Variants in PHLDB2 observed in about 807,000 individuals in gnomAD.
The protein encoded by PHLDB2 is pleckstrin homology-like domain family B member 2.
Under a neutral mutation model 123.6 loss-of-function variants are expected in PHLDB2, and 71 were observed. That is an observed-to-expected ratio of 0.57 (90% CI 0.47 to 0.70). PHLDB2 has a LOEUF of 0.70. Among genes scored for constraint, PHLDB2 ranks in the 30% least tolerant of loss-of-function variants. The pLI, the probability that PHLDB2 is intolerant of heterozygous loss-of-function variation, is 0.00. For synonymous variants in PHLDB2, 547 were observed against 541.6 expected, an observed-to-expected ratio of 1.01 and a Z score of -0.14; for missense variants, 1,446 against 1,519.5, an observed-to-expected ratio of 0.95 and a Z score of 0.80.
At chr3:111,936,295 C>T (rs2069488463) in intron 6 of PHLDB2, among the ~76,000 whole-genome samples, 1 of 152,180 alleles carries the variant, frequency 6.6e-6, no homozygotes, top group African/African-American at 2.4e-5. Context: ...ATGTAATGCT[C>T]TTTTAGTGAG....
chr3:111,835,169 G>A (rs2063342069), intron 1 of PHLDB2, among the ~76,000 whole-genome samples: 1 of 152,078 alleles, frequency 6.6e-6, no homozygotes, highest in Non-Finnish European at 1.5e-5. Context: ...CAGTTTCAGA[G>A]TTTAATGATA....
chr3:111,881,497 T>C (rs1369389663), intron 1 of PHLDB2, among the ~76,000 whole-genome samples: 1 of 152,190 alleles, frequency 6.6e-6, no homozygotes, highest in East Asian at 1.9e-4. Context: ...CACATGGCAT[T>C]TTCAGTGAAT....
chr3:111,883,913 G>T (rs2066053929), intron 1 of PHLDB2, 151 bp from the exon 2 acceptor site: 1 of 677,452 alleles, frequency 1.5e-6, no homozygotes, highest in Non-Finnish European at 2.5e-6. Context: ...TTGCTGTATG[G>T]TTTTAACAGG....
rs551653611 is a variant in PHLDB2, at chr3:111,918,291, C to T, written c.1720-781C>T. Among the ~76,000 whole-genome samples, 82 of 152,300 alleles carry T rather than the reference C, an allele frequency of 5.4e-4. 4 individuals carry two copies. In the South Asian group the frequency reaches 0.017, roughly 31 times the overall value. ...ACTCTCTCACTTGTTTCTTGACTTT[C>T]TTATTTCTTGCCGATGAACCAGTTT... On this transcript the variant is annotated intron_variant, in intron 3 of 17. Transcript: ENST00000431670.
intron 1 of PHLDB2, among the ~76,000 whole-genome samples, chr3:111,762,785 G>C (rs1319902338): frequency 6.6e-6 from 1 of 151,672 alleles, no homozygotes; most frequent in African/African-American, 2.4e-5. Context: ...TTTTCTTTTG[G>C]TTTGGGTTAA....
chr3:111,732,984 G>T (rs1197250914), intron 1 of PHLDB2, among the ~76,000 whole-genome samples: 4 of 152,078 alleles, frequency 2.6e-5, no homozygotes, highest in African/African-American at 9.7e-5. Context: ...TTATATGTGC[G>T]ATTTATTAAA....
intron 5 of PHLDB2, among the ~76,000 whole-genome samples, chr3:111,931,106 A>G (rs2069125096): frequency 6.6e-6 from 1 of 152,202 alleles, no homozygotes; most frequent in Non-Finnish European, 1.5e-5. Flanking sequence ...CCTTAAAAAG[A>G]GTCCTTCTGT....
At chr3:111,873,756 A>G (rs1019290850) in intron 1 of PHLDB2, among the ~76,000 whole-genome samples, 1 of 152,172 alleles carries the variant, frequency 6.6e-6, no homozygotes, top group East Asian at 1.9e-4. Context: ...TCTAACTGGC[A>G]TTAATTCTTG....
At chr3:111,934,858 C>T (rs894103257) in intron 6 of PHLDB2, among the ~76,000 whole-genome samples, 1 of 152,040 alleles carries the variant, frequency 6.6e-6, no homozygotes, top group Non-Finnish European at 1.5e-5. Flanking sequence ...GATATTTAGG[C>T]CCATAGAGTT....
intron 12 of PHLDB2, 144 bp from the exon 13 acceptor site, chr3:111,961,964 G>C: frequency 1.3e-6 from 1 of 745,994 alleles, no homozygotes; most frequent in Non-Finnish European, 2.2e-6. Flanking sequence ...CTCTTTCTTT[G>C]ATCTTCTTGG....
At chr3:111,793,790 G>T (rs535361084) in intron 1 of PHLDB2, among the ~76,000 whole-genome samples, 23 of 151,932 alleles carry the variant, frequency 1.5e-4, no homozygotes, top group Middle Eastern at 3.4e-3. Context: ...CTGTCCCAGG[G>T]TTTGTCTAGA....
At chr3:111,850,054 G>T (rs1271228998) in intron 2 of PHLDB2, among the ~76,000 whole-genome samples, 1 of 151,844 alleles carries the variant, frequency 6.6e-6, no homozygotes, top group African/African-American at 2.4e-5. Flanking sequence ...GTAGAGACAG[G>T]GTTTCACCAT....
chr3:111,945,391 C>T, intron 9 of PHLDB2, 34 bp downstream of exon 9: 1 of 1,434,876 alleles, frequency 7.0e-7, no homozygotes, highest in South Asian at 1.2e-5. Context: ...CTTTATGTTG[C>T]CTTAGAAATC....
intron 1 of PHLDB2, among the ~76,000 whole-genome samples, chr3:111,840,828 A>G (rs1249136318): frequency 1.3e-5 from 2 of 152,226 alleles, no homozygotes; most frequent in Non-Finnish European, 2.9e-5. Flanking sequence ...ATGTAAGCTC[A>G]CGTAAACACT....
chr3:111,859,761 C>A (rs1341667344), intron 1 of PHLDB2, 185 bp downstream of exon 1: 1 of 985,350 alleles, frequency 1.0e-6, no homozygotes, highest in Admixed American at 6.2e-5. Context: ...TGACTGCTCA[C>A]CGCGAGTCAG....
At position 111,967,709 on chromosome 3, in the gene PHLDB2, T is replaced by C; in HGVS notation, c.3200T>C (p.Leu1067Pro). The C allele has an allele frequency of 6.2e-7, 1 of 1,611,876 alleles. No homozygotes were observed. The highest frequency in any genetic ancestry group is 8.5e-7 in the Non-Finnish European group (1 of 1,179,242). Reference sequence around the variant, plus strand: ...GAAATGGAAGCCAAAAAACGAGCCCTGGAAGAAGAAAAACGACGCCGGGAA... The same window carrying C: ...GAAATGGAAGCCAAAAAACGAGCCCCGGAAGAAGAAAAACGACGCCGGGAA... ...EREMEAKKRALEEEKRRREIL... is the reference protein window; with the variant it reads ...EREMEAKKRAPEEEKRRREIL... The change falls in exon 15 of 18, where the codon CTG becomes CCG. Residue 1067 changes from leucine to proline, a missense_variant. By Grantham distance (98) the Leu-to-Pro change is moderately conservative. Coordinates refer to ENST00000431670, the MANE Select transcript of PHLDB2 (RefSeq NM_001134438.2).
intron 8 of PHLDB2, among the ~76,000 whole-genome samples, chr3:111,942,031 C>G (rs1272556892): frequency 1.3e-5 from 2 of 152,140 alleles, no homozygotes; most frequent in Non-Finnish European, 2.9e-5. Flanking sequence ...ATCCTCACTA[C>G]TATTTTACCT....
chr3:111,793,012 T>C (rs1175577926), intron 1 of PHLDB2, among the ~76,000 whole-genome samples: 3 of 152,136 alleles, frequency 2.0e-5, no homozygotes, highest in African/African-American at 7.2e-5. Flanking sequence ...CACTGGGTCT[T>C]ACCCAAGGCC....
chr3:111,925,018 G>A (rs936386267), intron 5 of PHLDB2, among the ~76,000 whole-genome samples: 2 of 151,792 alleles, frequency 1.3e-5, no homozygotes, highest in East Asian at 3.9e-4. Flanking sequence ...TAATAGAGAC[G>A]GAGTTTCGTC....
Sources: allele counts gnomAD v4.1 joint callset (sites outside exome capture counted in the v4.1 genomes callset), GRCh38; gene constraint gnomAD v4.1.1; transcripts MANE v1.5; gene names NCBI Gene and HGNC (gene_info 2026-07-23, HGNC 2026-07-21).